CCDC158: variants seen among roughly 807,000 people sequenced by gnomAD.
CCDC158 encodes coiled-coil domain-containing protein 158.
CCDC158 carries 116 observed loss-of-function variants against 138.6 expected under a neutral mutation model. The ratio of observed to expected loss-of-function variants is 0.84; its 90% CI spans 0.72 to 0.98. CCDC158 has a LOEUF of 0.98. Ranked by LOEUF, CCDC158 falls within the 50% of genes least tolerant of loss-of-function variation. The pLI, the probability that CCDC158 is intolerant of heterozygous loss-of-function variation, is 0.00. For synonymous variants in CCDC158, 436 were observed against 442.4 expected (o/e 0.99, Z 0.18); for missense variants, 1,265 against 1,306.1 (o/e 0.97, Z 0.48).
At chr4:76,360,316 G>A (rs959937026) in intron 13 of CCDC158, among the ~76,000 whole-genome samples, 1 of 152,216 alleles carries the variant, frequency 6.6e-6, no homozygotes, top group Admixed American at 6.5e-5. Flanking sequence ...GTGCAGAGGG[G>A]AAATGTGGGG....
At chr4:76,419,045 A>G (rs1400089233) in intron 1 of CCDC158, among the ~76,000 whole-genome samples, 2 of 152,208 alleles carry the variant, frequency 1.3e-5, no homozygotes, top group African/African-American at 4.8e-5. Context: ...CTTACTTGAT[A>G]TACACACAAT....
chr4:76,361,183 G>A lies in CCDC158; in HGVS notation c.2020+943C>T, dbSNP rs116697363. 7.3e-3 allele frequency among the ~76,000 whole-genome samples: 1,111 copies of A among 152,164 alleles called. 10 individuals are homozygous for A. Among genetic ancestry groups the A allele is most frequent in the African/African-American group, 0.026 (1,059 of 41,492 alleles). On this transcript the variant is annotated intron_variant, in intron 13 of 24. Coordinates refer to ENST00000682701, the MANE Select transcript of CCDC158 (RefSeq NM_001394954.1). ...TGCTTGCTTCTCCTTCATCTTCCAC[G>A]ATTTTAAGTTTCCTGAGGCCTCCAA...
intron 18 of CCDC158, among the ~76,000 whole-genome samples, chr4:76,346,662 A>T (rs1254133708): frequency 6.6e-6 from 1 of 152,210 alleles, no homozygotes; most frequent in Admixed American, 6.5e-5. Context: ...GTGGGCAAAG[A>T]TCATGTCACT....
At position 76,367,342 on chromosome 4, in the gene CCDC158, T is replaced by G; in HGVS notation, c.1782A>C (p.Gln594His). 1.9e-6 allele frequency: 3 copies of G among 1,613,924 alleles called. No individual in the cohort carries two copies. Among genetic ancestry groups the G allele is most frequent in the Non-Finnish European group, 2.5e-6 (3 of 1,179,776 alleles). Residue 594 changes from glutamine to histidine, a missense_variant, in exon 12 of 25, where the codon CAA becomes CAC. By Grantham distance (24) the Gln-to-His change is conservative. Transcript: ENST00000682701. Reference protein sequence around the residue: ...TAGAMQVEKAQLEKEINDRRM... With the variant: ...TAGAMQVEKAHLEKEINDRRM... ...GCCTATCATTAATTTCTTTCTCCAG[T>G]TGAGCTTTTTCTACTTGCATAGCTC...
chr4:76,377,303 C>T (rs186183694), intron 9 of CCDC158, among the ~76,000 whole-genome samples: 10 of 152,254 alleles, frequency 6.6e-5, no homozygotes, highest in East Asian at 1.9e-4. Flanking sequence ...TAGTACTTTG[C>T]GGCTTTTCAA....
chr4:76,329,873 A>G (rs569227776), intron 21 of CCDC158, among the ~76,000 whole-genome samples: 2 of 152,350 alleles, frequency 1.3e-5, no homozygotes, highest in South Asian at 4.1e-4. Context: ...ATATGCATTT[A>G]ATCACAACAG....
chr4:76,409,231 G>GT (rs1477550515), intron 2 of CCDC158, among the ~76,000 whole-genome samples: 2 of 151,952 alleles, frequency 1.3e-5, no homozygotes, highest in Non-Finnish European at 2.9e-5. Flanking sequence ...CTCTACTTTT[G>GT]TGACACTATA....
At chr4:76,324,550 G>A (rs1720348133) in intron 23 of CCDC158, among the ~76,000 whole-genome samples, 1 of 152,056 alleles carries the variant, frequency 6.6e-6, no homozygotes. Context: ...TAAGCGGGGG[G>A]TTGGGGGTGA....
chr4:76,379,083 GCTAAGAATGAAT>G (rs1227766944), intron 9 of CCDC158, among the ~76,000 whole-genome samples, 195 bp downstream of exon 9: 9 of 151,958 alleles, frequency 5.9e-5, no homozygotes, highest in Non-Finnish European at 7.4e-5. Flanking sequence ...AAAAAATTTT[GCTAAGAATGAAT>G]CAGAGTACAC....
chr4:76,367,875 A>T, intron 11 of CCDC158, 99 bp from the exon 12 acceptor site: 1 of 1,146,680 alleles, frequency 8.7e-7, no homozygotes, highest in Non-Finnish European at 1.2e-6. Flanking sequence ...ATCATGAATT[A>T]GGCAATGTTT....
At chr4:76,413,279 G>C (rs13434888) in intron 1 of CCDC158, among the ~76,000 whole-genome samples, 2 of 151,776 alleles carry the variant, frequency 1.3e-5, no homozygotes, top group Admixed American at 6.6e-5. Flanking sequence ...TTTGAGACCA[G>C]CCTGGACAAT....
At chr4:76,350,837 TG>T (rs1560408943) in intron 18 of CCDC158, among the ~76,000 whole-genome samples, 158 bp downstream of exon 18, 2 of 152,236 alleles carry the variant, frequency 1.3e-5, no homozygotes, top group African/African-American at 4.8e-5. Flanking sequence ...TTTATTCACC[TG>T]GACTCCATTG....
chr4:76,343,484 T>G (rs1722253277), intron 18 of CCDC158, among the ~76,000 whole-genome samples: 1 of 152,036 alleles, frequency 6.6e-6, no homozygotes, highest in South Asian at 2.1e-4. Context: ...ACACAAAAAA[T>G]TATTTAAAAA....
chr4:76,355,851 AAAT>A (rs747758040), intron 14 of CCDC158, among the ~76,000 whole-genome samples: 6 of 147,530 alleles, frequency 4.1e-5, no homozygotes, highest in Non-Finnish European at 7.5e-5. Flanking sequence ...GGTGTCACAT[AAAT>A]AATAATATAT....
chr4:76,418,074 C>T (rs974285483), intron 1 of CCDC158, among the ~76,000 whole-genome samples: 1 of 152,188 alleles, frequency 6.6e-6, no homozygotes, highest in African/African-American at 2.4e-5. Flanking sequence ...ATACTGAAGA[C>T]TTTGGGGCTT....
chr4:76,350,716 G>A (rs1376891435), intron 18 of CCDC158, among the ~76,000 whole-genome samples: 1 of 152,096 alleles, frequency 6.6e-6, no homozygotes, highest in Non-Finnish European at 1.5e-5. Context: ...GCCTTTTGAA[G>A]TGATGTTTAT....
intron 18 of CCDC158, among the ~76,000 whole-genome samples, chr4:76,340,599 A>C (rs1721957651): frequency 6.6e-6 from 1 of 152,064 alleles, no homozygotes; most frequent in South Asian, 2.1e-4. Context: ...TTCTGCAGTG[A>C]CAGCAACCAG....
At chr4:76,375,348 T>C (rs1353663476) in intron 9 of CCDC158, 2 of 430,808 alleles carry the variant, frequency 4.6e-6, no homozygotes, top group Non-Finnish European at 8.2e-6. Context: ...CACACGAGGT[T>C]TGGTTTGTCT....
At chr4:76,343,808 A>AAAAC (rs561583739) in intron 18 of CCDC158, among the ~76,000 whole-genome samples, 40 of 152,200 alleles carry the variant, frequency 2.6e-4, no homozygotes, top group East Asian at 2.3e-3. Flanking sequence ...CTCAAAAAAC[A>AAAAC]AAACAAACAA....
Sources: gnomAD v4.1 joint callset for allele counts (sites outside exome capture counted in the v4.1 genomes callset) on GRCh38, gnomAD v4.1.1 for gene constraint, MANE v1.5 for transcripts, NCBI Gene and HGNC (gene_info 2026-07-23, HGNC 2026-07-21) for gene names.